CRYBG3: variants seen among roughly 807,000 people sequenced by gnomAD.
The protein encoded by CRYBG3 is very large A-kinase anchor protein.
Under a neutral mutation model 244.2 loss-of-function variants are expected in CRYBG3, and 127 were observed. The ratio of observed to expected loss-of-function variants is 0.52; its 90% CI spans 0.45 to 0.60. The LOEUF (loss-of-function observed/expected upper bound fraction) is 0.60. Ranked by LOEUF, CRYBG3 falls within the 20% of genes least tolerant of loss-of-function variation. The probability of loss-of-function intolerance (pLI) is 0.00; values close to 1 mark genes in which losing one functional copy is unlikely to be tolerated. For synonymous variants in CRYBG3, 1,132 were observed against 1,195.8 expected (o/e 0.95, Z 1.10); for missense variants, 3,325 against 3,442.5 (o/e 0.97, Z 0.85).
intron 2 of CRYBG3, among the ~76,000 whole-genome samples, chr3:97,845,402 C>T (rs1223830017): frequency 6.6e-6 from 1 of 152,184 alleles, no homozygotes; most frequent in African/African-American, 2.4e-5. Flanking sequence ...ATACCACTTA[C>T]ATGCTACACA....
intron 11 of CRYBG3, 79 bp downstream of exon 11, chr3:97,893,072 A>G (rs1506441): frequency 2.4e-6 from 3 of 1,230,258 alleles, no homozygotes; most frequent in Non-Finnish European, 3.4e-6. Flanking sequence ...GCAAAGCAAA[A>G]ATGATTTGTT....
intron 7 of CRYBG3, among the ~76,000 whole-genome samples, chr3:97,882,359 ACTT>A (rs2039458301): frequency 6.6e-6 from 1 of 150,558 alleles, no homozygotes; most frequent in African/African-American, 2.4e-5. Flanking sequence ...GATTGCTACT[ACTT>A]AGTATAGACG....
intron 3 of CRYBG3, among the ~76,000 whole-genome samples, chr3:97,868,402 G>A (rs907499540): frequency 6.6e-6 from 1 of 152,100 alleles, no homozygotes; most frequent in South Asian, 2.1e-4. Flanking sequence ...TTTAAAAAAA[G>A]GCAGAGGGAG....
chr3:97,840,600 T>A (rs2038797700), intron 1 of CRYBG3: 1 of 152,088 alleles, frequency 6.6e-6, no homozygotes, highest in Admixed American at 6.6e-5. Flanking sequence ...TCTGCCATAA[T>A]CTCATGAACT....
At chr3:97,905,441 T>C (rs1333247869) in intron 15 of CRYBG3, among the ~76,000 whole-genome samples, 2 of 151,564 alleles carry the variant, frequency 1.3e-5, no homozygotes, top group African/African-American at 4.8e-5. Context: ...CCATTCTAAC[T>C]GGTGTGAGAT....
At chr3:97,878,783 G>A (rs911757313) in intron 4 of CRYBG3, among the ~76,000 whole-genome samples, 3 of 152,158 alleles carry the variant, frequency 2.0e-5, no homozygotes, top group Non-Finnish European at 4.4e-5. Context: ...TTCATGCAAC[G>A]CAGGGCAGTG....
chr3:97,940,157 C>A (rs2040210862), intron 19 of CRYBG3, among the ~76,000 whole-genome samples: 1 of 151,970 alleles, frequency 6.6e-6, no homozygotes, highest in Non-Finnish European at 1.5e-5. Context: ...TACATTAAGG[C>A]TGGAGGCCTA....
intron 18 of CRYBG3, 82 bp downstream of exon 18, chr3:97,933,915 T>C (rs1046756903): frequency 8.4e-7 from 1 of 1,192,312 alleles, no homozygotes; most frequent in Admixed American, 1.9e-5. Flanking sequence ...GTCCACTGTG[T>C]AGTAGTACGC....
chr3:97,823,121 C>T (rs1368831608), intron 1 of CRYBG3, among the ~76,000 whole-genome samples: 1 of 152,138 alleles, frequency 6.6e-6, no homozygotes, highest in African/African-American at 2.4e-5. Flanking sequence ...TTCACTTTCC[C>T]ATGTTCAAAA....
At chr3:97,870,309 A>G (rs570989303) in intron 3 of CRYBG3, among the ~76,000 whole-genome samples, 241 of 152,246 alleles carry the variant, frequency 1.6e-3, no homozygotes, top group Non-Finnish European at 2.6e-3. Context: ...TCCCCACTCA[A>G]TTAGGCCCCA....
chr3:97,861,565 T>C (rs2039148890), intron 2 of CRYBG3, among the ~76,000 whole-genome samples: 1 of 152,136 alleles, frequency 6.6e-6, no homozygotes, highest in Non-Finnish European at 1.5e-5. Flanking sequence ...GGGAAAAACA[T>C]TGAAAATTCC....
In CRYBG3 at chr3:97,874,221, T is replaced by C. The variant is rs1486871697; in HGVS notation, c.3027T>C (p.Phe1009=). The change falls in exon 4 of 22, where the codon TTT becomes TTC. Residue 1009 remains phenylalanine (F), a synonymous_variant. Coordinates refer to ENST00000389622, the MANE Select transcript of CRYBG3 (RefSeq NM_153605.4). ...ETGSMKVNSP[F]LDSDSSLEKN... ...GCAGCATGAAAGTAAATTCACCTTT[T>C]CTGGATTCTGATTCCAGTTTGGAAA... is the stretch of plus-strand genomic sequence containing the variant. 2 of 1,534,856 alleles carry C rather than the reference T, an allele frequency of 1.3e-6. No homozygotes were observed. The highest frequency in any genetic ancestry group is 1.4e-5 in the African/African-American group (1 of 73,088).
chr3:97,822,290 G>A lies in CRYBG3; in HGVS notation c.84G>A (p.Lys28=). The change falls in exon 1 of 22, where the codon AAG becomes AAA. Residue 28 remains lysine, a synonymous_variant. Transcript: ENST00000389622. ...FFAPRSPSRD[K]EEEEEERPGT... is the part of the protein sequence containing the mutation. ...CTCCCCGAAGTCCTTCCCGGGACAA[G>A]GAAGAGGAAGAGGAGGAGAGGCCGG... is the stretch of plus-strand genomic sequence containing the variant. 1 of 1,530,570 alleles carries A rather than the reference G, an allele frequency of 6.5e-7. No homozygotes were observed. Among genetic ancestry groups the A allele is most frequent in the Non-Finnish European group, 8.7e-7 (1 of 1,144,580 alleles). The allele number at this position is 1,530,570 out of a possible 1,614,324, so 94.8% of individuals were successfully genotyped here. A position where few individuals can be genotyped will look rare whatever the true frequency, so the allele number is the denominator to read the frequency against.
chr3:97,822,376 C>T (rs1023283187), intron 1 of CRYBG3, 21 bp downstream of exon 1: 4 of 1,487,534 alleles, frequency 2.7e-6, no homozygotes, highest in Admixed American at 4.3e-5. Context: ...AGGAGGGGGT[C>T]GCGGGGGGGC....
chr3:97,861,451 A>G (rs2039146537), intron 2 of CRYBG3, among the ~76,000 whole-genome samples: 1 of 152,152 alleles, frequency 6.6e-6, no homozygotes, highest in Non-Finnish European at 1.5e-5. Context: ...AGTATACATA[A>G]TGCTTTCCTG....
At chr3:97,824,324 G>T (rs2108147729) in intron 1 of CRYBG3, among the ~76,000 whole-genome samples, 1 of 152,206 alleles carries the variant, frequency 6.6e-6, no homozygotes, top group East Asian at 1.9e-4. Flanking sequence ...CTCTTTGTGG[G>T]CATAAAAACT....
Position 97,872,096 on chromosome 3 carries a change from T to C in CRYBG3, c.902T>C (p.Leu301Ser), listed in dbSNP as rs1247437216. 4.6e-6 allele frequency: 7 copies of C among 1,536,002 alleles called. No homozygotes were observed. The highest frequency in any genetic ancestry group is 6.1e-6 in the Non-Finnish European group (7 of 1,146,800). The change falls in exon 4 of 22, where the codon TTA (leucine) becomes TCA (serine). Residue 301 changes from leucine (L) to serine (S), a missense_variant. Physicochemically the swap from Leu to Ser is moderately radical, Grantham distance 145. Around this residue, in one of 4 missense-constraint regions of CRYBG3, gnomAD observed 1,526 missense variants for 1,443.2 expected, o/e 1.06. Transcript: ENST00000389622. ...SMKGNLLEGP[L>S]EDSDCSKTSF... ...AAAGGAAATCTACTTGAAGGCCCAT[T>C]AGAAGACTCTGATTGTAGCAAAACA... is the stretch of plus-strand genomic sequence containing the variant.
chr3:97,908,766 A>G (rs13060729), intron 15 of CRYBG3, among the ~76,000 whole-genome samples: 36,637 of 151,952 alleles, frequency 0.24, 4,746 homozygotes, highest in Middle Eastern at 0.33. Context: ...TAATATTGTT[A>G]TGTGTGAACT....
Position 97,888,349 on chromosome 3 carries a change from C to G in CRYBG3, c.7298C>G (p.Ala2433Gly). The G allele has an allele frequency of 6.2e-7, 1 of 1,601,262 alleles. No homozygotes were observed. The highest frequency in any genetic ancestry group is 1.3e-5 in the African/African-American group (1 of 74,614). Residue 2433 changes from alanine to glycine, a missense_variant, in exon 9 of 22, where the codon GCC (alanine) becomes GGC (glycine). This residue lies in a region of CRYBG3 where 714 missense variants were observed against 803.6 expected (regional missense o/e 0.89). Transcript: ENST00000389622. ...SFTVKSGVWL[A>G]YPDINFKGQA... ...TATCTATTTTTATATAGTTGGCTTGCCTACCCAGATATTAATTTTAAGGGA... is the reference window on the plus strand; with the variant it reads ...TATCTATTTTTATATAGTTGGCTTGGCTACCCAGATATTAATTTTAAGGGA...
Sources: gnomAD v4.1 joint callset for allele counts (sites outside exome capture counted in the v4.1 genomes callset) on GRCh38, gnomAD v4.1.1 for gene constraint, gnomAD v4.1.1 regional missense constraint, MANE v1.5 for transcripts, NCBI Gene and HGNC (gene_info 2026-07-23, HGNC 2026-07-21) for gene names.